Variants in KCNQ5 observed in about 807,000 individuals in gnomAD.
KCNQ5 encodes the protein potassium voltage-gated channel subfamily Q member 5.
In KCNQ5, 30 loss-of-function variants were observed where a neutral mutation model predicts 98.2. That is an observed-to-expected ratio of 0.31 (90% CI 0.23 to 0.41). KCNQ5 has a LOEUF of 0.41. Among genes scored for constraint, KCNQ5 ranks in the 10% least tolerant of loss-of-function variants. The pLI is 1.00. For synonymous variants in KCNQ5, 458 were observed against 449.4 expected (o/e 1.02, Z -0.24); for missense variants, 835 against 1,182.5 (o/e 0.71, Z 4.31).
At chr6:72,759,157 A>T (rs1305228826) in intron 1 of KCNQ5, among the ~76,000 whole-genome samples, 1 of 152,132 alleles carries the variant, frequency 6.6e-6, no homozygotes. Flanking sequence ...CAACATCCAG[A>T]GTTGGCATTA....
At chr6:73,082,286 G>A (rs963060642) in intron 5 of KCNQ5, among the ~76,000 whole-genome samples, 8 of 152,134 alleles carry the variant, frequency 5.3e-5, no homozygotes, top group African/African-American at 1.9e-4. Flanking sequence ...TCTCACTTAA[G>A]GAGAATACTA....
At chr6:73,128,810 A>G (rs1343908844) in intron 9 of KCNQ5, among the ~76,000 whole-genome samples, 1 of 152,198 alleles carries the variant, frequency 6.6e-6, no homozygotes, top group Non-Finnish European at 1.5e-5. Context: ...GTAAAGATGC[A>G]TGTCTTAAAC....
chr6:72,745,855 T>A (rs531573647), intron 1 of KCNQ5, among the ~76,000 whole-genome samples: 4 of 152,232 alleles, frequency 2.6e-5, no homozygotes, highest in Admixed American at 6.5e-5. Context: ...TAACATCTAG[T>A]GGTTCCTAGC....
chr6:73,035,985 TTGTGTGTGTGTGTGTGTGTGTGTGTGTG>T (rs70994155), intron 2 of KCNQ5, among the ~76,000 whole-genome samples: 1 of 140,444 alleles, frequency 7.1e-6, no homozygotes, highest in Non-Finnish European at 1.5e-5. Context: ...TTGAATACAT[TTGTGTGTGTGTGTGTGTGTGTGTGTGTG>T]TGTGTGTGTG....
intron 1 of KCNQ5, among the ~76,000 whole-genome samples, chr6:72,898,312 C>T (rs922618136): frequency 6.6e-6 from 1 of 152,080 alleles, no homozygotes; most frequent in Non-Finnish European, 1.5e-5. Flanking sequence ...TGATGCTCTT[C>T]CTCCCCTCGC....
chr6:72,707,058 A>G (rs1561933824), intron 1 of KCNQ5, among the ~76,000 whole-genome samples: 3 of 152,218 alleles, frequency 2.0e-5, no homozygotes, highest in Admixed American at 6.5e-5. Flanking sequence ...GAGTGTGTGT[A>G]TATGTGTATA....
At chr6:72,796,381 T>G (rs9341388) in intron 1 of KCNQ5, among the ~76,000 whole-genome samples, 13,533 of 152,102 alleles carry the variant, frequency 0.089, 906 homozygotes, top group East Asian at 0.28. Context: ...GATGTAGGTG[T>G]TGTATTTCAA....
At chr6:72,976,775 TC>T (rs1328504983) in intron 1 of KCNQ5, among the ~76,000 whole-genome samples, 9 of 152,212 alleles carry the variant, frequency 5.9e-5, no homozygotes, top group African/African-American at 2.2e-4. Context: ...TTAGGCAGCT[TC>T]AAATAGTTTC....
rs1224761534 is a variant in KCNQ5 at position 73,122,411 on chromosome 6, A to T, written c.1220+1834A>T. Among the ~76,000 whole-genome samples, 4 of 152,322 alleles carry T rather than the reference A, an allele frequency of 2.6e-5. No homozygotes were observed. In the East Asian group the frequency reaches 7.7e-4, roughly 29 times the overall value. The stretch of plus-strand genomic sequence containing the variant: ...AAATCAACTATTATTTTATTCACAT[A>T]AGTTCTTTCTACTCCTCTGATATTT... On this transcript the variant is annotated intron_variant, in intron 8 of 13. Transcript: ENST00000370398.
At position 72,917,454 on chromosome 6, in the gene KCNQ5, T is replaced by TTTTTATTTTATTTTATTTTATTTTA. The variant is rs199931952; in HGVS notation, c.399-86444_399-86420dup. ...CCCCCCCACCATTTTTTTATTTTTATTTTTATTTTATTTTATTTTATTTTA... is the reference window on the plus strand; with the variant it reads ...CCCCCCCACCATTTTTTTATTTTTATTTTTATTTTATTTTATTTTATTTTATTTTATTTTATTTTATTTTATTTTA... On this transcript the variant is annotated intron_variant, in intron 1 of 13. Coordinates refer to ENST00000370398, the MANE Select transcript of KCNQ5 (RefSeq NM_019842.4). 1.9e-3 allele frequency among the ~76,000 whole-genome samples: 288 copies of TTTTTATTTTATTTTATTTTATTTTA among 147,758 alleles called. 1 individual carries two copies. The highest frequency in any genetic ancestry group is 7.1e-3 in the African/African-American group (281 of 39,732).
At chr6:72,802,048 C>T (rs891011417) in intron 1 of KCNQ5, among the ~76,000 whole-genome samples, 4 of 152,092 alleles carry the variant, frequency 2.6e-5, no homozygotes, top group Non-Finnish European at 4.4e-5. Flanking sequence ...TTCTCTCTGG[C>T]TGTCCTTAAC....
intron 10 of KCNQ5, among the ~76,000 whole-genome samples, chr6:73,166,342 A>G (rs1373134862): frequency 6.6e-6 from 1 of 151,898 alleles, no homozygotes; most frequent in African/African-American, 2.4e-5. Context: ...AGGCTGAGGC[A>G]GGAGAATGGC....
chr6:72,808,670 G>A (rs566100233), intron 1 of KCNQ5, among the ~76,000 whole-genome samples: 14 of 152,202 alleles, frequency 9.2e-5, no homozygotes, highest in African/African-American at 2.9e-4. Flanking sequence ...CACCACTGCC[G>A]GGCGCGGTGG....
intron 1 of KCNQ5, among the ~76,000 whole-genome samples, chr6:72,780,836 CACTT>C (rs1426443699): frequency 5.9e-5 from 9 of 152,072 alleles, no homozygotes; most frequent in South Asian, 4.2e-4. Flanking sequence ...TATAAGCTGT[CACTT>C]ACTCTGGATC....
At chr6:73,101,768 G>T (rs117032688) in intron 5 of KCNQ5, among the ~76,000 whole-genome samples, 1 of 152,100 alleles carries the variant, frequency 6.6e-6, no homozygotes, top group South Asian at 2.1e-4. Flanking sequence ...AAAAAGGAAA[G>T]ATATTTCATG....
At chr6:72,769,407 A>C (rs1012152874) in intron 1 of KCNQ5, among the ~76,000 whole-genome samples, 2 of 152,102 alleles carry the variant, frequency 1.3e-5, no homozygotes, top group African/African-American at 2.4e-5. Context: ...ATAAAATATG[A>C]GGGCTATCTG....
Position 72,629,891 on chromosome 6 carries a change from C to T in KCNQ5, c.398+7304C>T, listed in dbSNP as rs147990235. Among the ~76,000 whole-genome samples, 155 of 152,216 alleles carry T rather than the reference C, an allele frequency of 1.0e-3. 1 individual carries two copies. The highest frequency in any genetic ancestry group is 3.5e-3 in the African/African-American group (146 of 41,542). On this transcript the variant is annotated intron_variant, in intron 1 of 13. Coordinates refer to ENST00000370398, the MANE Select transcript of KCNQ5 (RefSeq NM_019842.4). ...ACTTTTTTTCATAATTAAAGAAATT[C>T]TTTGATGGTCTCAGAGTTTCAGGTG...
intron 1 of KCNQ5, among the ~76,000 whole-genome samples, chr6:72,938,956 C>G (rs1424757799): frequency 6.6e-6 from 1 of 152,024 alleles, no homozygotes; most frequent in Non-Finnish European, 1.5e-5. Flanking sequence ...TGTTTCAGAC[C>G]TAGAACAGAT....
intron 1 of KCNQ5, among the ~76,000 whole-genome samples, chr6:72,629,629 T>C (rs1242349812): frequency 6.6e-6 from 1 of 152,224 alleles, no homozygotes; most frequent in Admixed American, 6.5e-5. Flanking sequence ...GCGCCAGTTT[T>C]AATTTTTAAT....
Sources: gnomAD v4.1 joint callset for allele counts (sites outside exome capture counted in the v4.1 genomes callset) on GRCh38, gnomAD v4.1.1 for gene constraint, MANE v1.5 for transcripts, NCBI Gene and HGNC (gene_info 2026-07-23, HGNC 2026-07-21) for gene names.